The following DTHD1 variants were observed in gnomAD, a reference collection of about 807,000 sequenced individuals.
DTHD1 encodes death domain containing 1.
A neutral mutation model predicts 74.8 loss-of-function variants in DTHD1; 59 were observed. That is an observed-to-expected ratio of 0.79 (90% CI 0.64 to 0.98). The LOEUF is 0.98. Among genes scored for constraint, DTHD1 ranks in the 50% least tolerant of loss-of-function variants. The probability of loss-of-function intolerance (pLI) is 0.00; values close to 1 mark genes in which losing one functional copy is unlikely to be tolerated. For synonymous variants in DTHD1, 365 were observed against 371.1 expected, an observed-to-expected ratio of 0.98 and a Z score of 0.19; for missense variants, 1,051 against 1,065.4, an observed-to-expected ratio of 0.99 and a Z score of 0.19.
At chr4:36,318,612 CTTTTTTTT>C (rs397992934) in intron 8 of DTHD1, among the ~76,000 whole-genome samples, 2 of 111,804 alleles carry the variant, frequency 1.8e-5, no homozygotes, top group South Asian at 2.8e-4. Context: ...TTTTTCTTTT[CTTTTTTTT>C]TTTTTTTTTT....
rs116055203 is a variant in DTHD1, at chr4:36,319,839, C to T, written c.2340+3353C>T. 3.3e-3 allele frequency among the ~76,000 whole-genome samples: 506 copies of T among 152,306 alleles called. 3 individuals carry two copies. Among genetic ancestry groups the T allele is most frequent in the Non-Finnish European group, 5.0e-3 (337 of 68,032 alleles). On this transcript the variant is annotated intron_variant, in intron 8 of 9. Transcript: ENST00000639862. ...TGTTTACGATTGTCCAGTACTTTTGCGTCAGCTTCTTCTCTGTTTTGCTTG... is the reference window on the plus strand; with the variant it reads ...TGTTTACGATTGTCCAGTACTTTTGTGTCAGCTTCTTCTCTGTTTTGCTTG...
At position 36,346,105 on chromosome 4, in the gene DTHD1, GCACA is replaced by G. The variant is rs1481266237; in HGVS notation, c.*2291_*2294del. Among the ~76,000 whole-genome samples the G allele has an allele frequency of 6.6e-6, 1 of 151,160 alleles. No individual in the cohort carries two copies. Among genetic ancestry groups the G allele is most frequent in the African/African-American group, 2.4e-5 (1 of 41,104 alleles). On this transcript the variant is annotated 3_prime_UTR_variant, in exon 10 of 10. Coordinates refer to ENST00000639862, the MANE Select transcript of DTHD1 (RefSeq NM_001170700.3). ...CCTATTCACATACATAAATACATGTGCACACACACACACCCCTCACACACATATA... is the reference window on the plus strand; with the variant it reads ...CCTATTCACATACATAAATACATGTGCACACACACCCCTCACACACATATA...
At chr4:36,331,233 T>A (rs1450926533) in intron 8 of DTHD1, among the ~76,000 whole-genome samples, 3 of 152,138 alleles carry the variant, frequency 2.0e-5, no homozygotes, top group Non-Finnish European at 4.4e-5. Flanking sequence ...TGCTTAACTA[T>A]TATTGCATAA....
At chr4:36,306,794 G>A (rs982870627) in intron 6 of DTHD1, among the ~76,000 whole-genome samples, 3 of 152,226 alleles carry the variant, frequency 2.0e-5, no homozygotes, top group Non-Finnish European at 4.4e-5. Flanking sequence ...TTCATGAAGA[G>A]TAGCCACTCA....
Position 36,316,225 on chromosome 4 carries a change from A to AT in DTHD1, c.2096-13dup. The AT allele has an allele frequency of 6.5e-7, 1 of 1,547,082 alleles. No homozygotes were observed. On this transcript the variant is annotated splice_polypyrimidine_tract_variant and intron_variant, in intron 7 of 9. Transcript: ENST00000639862. ...GAGATAACTTAATGGTAATAAATAC[A>AT]TTTTACTTCTATTTAGGCAACGGGA...
rs2109461244 is a variant in DTHD1, at chr4:36,293,607, A to C, written c.1300A>C (p.Thr434Pro). The C allele has an allele frequency of 1.3e-6, 2 of 1,549,818 alleles. No homozygotes were observed. The highest frequency in any genetic ancestry group is 1.4e-5 in the African/African-American group (1 of 73,154). ...TTTAAAGAAAGAGTCGTTCACAGTA[A>C]CAAAGAAAGGCCTCGCTCTTAAGTC... ...SCLKKESFTVTKKGLALKSSM... is the reference protein window; with the variant it reads ...SCLKKESFTVPKKGLALKSSM... Residue 434 changes from threonine (T) to proline (P), a missense_variant, in exon 4 of 10, where the codon ACA becomes CCA. Physicochemically the swap from Thr to Pro is conservative, Grantham distance 38. Coordinates refer to ENST00000639862, the MANE Select transcript of DTHD1 (RefSeq NM_001170700.3).
Position 36,308,232 on chromosome 4 carries a change from A to T in DTHD1, c.1834A>T (p.Met612Leu). ...TATTGTACTTCACCTCTCTTCCACC[A>T]TGGACAATAGTCATTTGGTTACTTT... Reference protein sequence around the residue: ...RFIVLHLSSTMDNSHLVTFVK... With the variant: ...RFIVLHLSSTLDNSHLVTFVK... Residue 612 changes from methionine (M) to leucine (L), a missense_variant, in exon 7 of 10, where the codon ATG (methionine) becomes TTG (leucine). Transcript: ENST00000639862. 1.3e-6 allele frequency: 2 copies of T among 1,552,354 alleles called. No individual in the cohort carries two copies. Among genetic ancestry groups the T allele is most frequent in the South Asian group, 1.2e-5 (1 of 84,066 alleles).
chr4:36,323,949 A>AT (rs1289856577), intron 8 of DTHD1, among the ~76,000 whole-genome samples: 14 of 152,180 alleles, frequency 9.2e-5, no homozygotes, highest in Non-Finnish European at 2.1e-4. Context: ...TGTTATCCTC[A>AT]TGTCTGCAGT....
At chr4:36,307,040 C>T (rs566671566) in intron 6 of DTHD1, among the ~76,000 whole-genome samples, 27 of 152,330 alleles carry the variant, frequency 1.8e-4, no homozygotes, top group Non-Finnish European at 3.2e-4. Flanking sequence ...CTCTGCAGTG[C>T]GAGTACCAAG....
In DTHD1 at chr4:36,343,819, G is replaced by A; in HGVS notation, c.2716G>A (p.Glu906Lys). The A allele has an allele frequency of 6.5e-7, 1 of 1,544,716 alleles. No homozygotes were observed. The highest frequency in any genetic ancestry group is 8.7e-7 in the Non-Finnish European group (1 of 1,143,172). The change falls in exon 10 of 10, where the codon GAG becomes AAG. Residue 906 changes from glutamate to lysine, a missense_variant. Transcript: ENST00000639862. ...ACAGCAGTGTTTTGATGTAGCCCCT[G>A]AGTAAAAGCCTGATCTCTCTTCCTT... ...EPQQCFDVAP[E>K]
intron 7 of DTHD1, among the ~76,000 whole-genome samples, chr4:36,310,288 G>C (rs1482160964): frequency 6.6e-6 from 1 of 152,092 alleles, no homozygotes; most frequent in Non-Finnish European, 1.5e-5. Context: ...AGACTAAAGA[G>C]TTCAAAGGAA....
chr4:36,291,783 G>A (rs969535557), intron 3 of DTHD1, among the ~76,000 whole-genome samples: 11 of 152,122 alleles, frequency 7.2e-5, no homozygotes, highest in Non-Finnish European at 1.5e-4. Flanking sequence ...AGCCGAGATC[G>A]CACCCCTGCA....
intron 3 of DTHD1, among the ~76,000 whole-genome samples, chr4:36,293,054 T>C (rs1263360631): frequency 6.6e-6 from 1 of 152,228 alleles, no homozygotes; most frequent in Non-Finnish European, 1.5e-5. Flanking sequence ...TGTGAGCTAT[T>C]AGAAGAAAGA....
intron 9 of DTHD1, among the ~76,000 whole-genome samples, chr4:36,340,595 G>A (rs533063127): frequency 6.6e-6 from 1 of 152,332 alleles, no homozygotes; most frequent in South Asian, 2.1e-4. Context: ...CAAGTAGTGA[G>A]AAGGAAAGAC....
intron 8 of DTHD1, among the ~76,000 whole-genome samples, chr4:36,323,419 A>C (rs1435780060): frequency 1.3e-5 from 2 of 152,050 alleles, no homozygotes; most frequent in African/African-American, 2.4e-5. Context: ...TGAAATACCA[A>C]AGCAATTTTG....
intron 5 of DTHD1, among the ~76,000 whole-genome samples, chr4:36,299,093 A>C (rs1009956393): frequency 6.6e-6 from 1 of 152,028 alleles, no homozygotes; most frequent in African/African-American, 2.4e-5. Context: ...ACTCATCCCC[A>C]CCAAATTTAA....
intron 9 of DTHD1, among the ~76,000 whole-genome samples, chr4:36,343,241 T>C (rs1361102890): frequency 1.3e-5 from 2 of 152,202 alleles, no homozygotes. Flanking sequence ...CATTTTAACA[T>C]GCCCTCTTGG....
intron 9 of DTHD1, among the ~76,000 whole-genome samples, chr4:36,339,764 T>C (rs2109578611): frequency 6.6e-6 from 1 of 152,342 alleles, no homozygotes; most frequent in South Asian, 2.1e-4. Flanking sequence ...GAGGATATTC[T>C]TACTAGTGCA....
chr4:36,323,700 G>A (rs1758169879), intron 8 of DTHD1, among the ~76,000 whole-genome samples: 1 of 152,022 alleles, frequency 6.6e-6, no homozygotes, highest in Admixed American at 6.6e-5. Context: ...CATTGTGATT[G>A]TTAAGTTTTC....
Sources: gnomAD v4.1 joint callset for allele counts (sites outside exome capture counted in the v4.1 genomes callset) on GRCh38, gnomAD v4.1.1 for gene constraint, MANE v1.5 for transcripts, NCBI Gene and HGNC (gene_info 2026-07-23, HGNC 2026-07-21) for gene names.